The following NRG1 variants were observed in gnomAD, a reference collection of about 807,000 sequenced individuals.
NRG1 encodes pro-neuregulin-1, membrane-bound isoform.
In NRG1, 18 loss-of-function variants were observed where a neutral mutation model predicts 63.8. That is an observed-to-expected ratio of 0.28 (90% CI 0.19 to 0.42). NRG1 has a LOEUF of 0.42. NRG1 is among the 10% of genes least tolerant of loss of function. NRG1 has a pLI of 1.00. For missense variants in NRG1, 762 were observed against 814.7 expected (o/e 0.94, Z 0.79); for synonymous variants, 302 against 301.3 (o/e 1.00, Z -0.02).
At chr8:32,158,572 TA>T (rs975152225) in intron 1 of NRG1, among the ~76,000 whole-genome samples, 12 of 149,828 alleles carry the variant, frequency 8.0e-5, no homozygotes, top group African/African-American at 2.9e-4. Context: ...CTTGTTTCCC[TA>T]AGTAAAATAG....
At chr8:31,947,259 C>CACTGCAG (rs1345870289) in intron 1 of NRG1, among the ~76,000 whole-genome samples, 1 of 148,754 alleles carries the variant, frequency 6.7e-6, no homozygotes, top group Non-Finnish European at 1.5e-5. Flanking sequence ...GAGATTGCGC[C>CACTGCAG]ACTGCAGTCC....
chr8:32,495,368 C>T (rs1167976083), intron 1 of NRG1, among the ~76,000 whole-genome samples: 1 of 152,198 alleles, frequency 6.6e-6, no homozygotes, highest in Non-Finnish European at 1.5e-5. Flanking sequence ...CCTCTTTTGC[C>T]TTCCACCATG....
chr8:31,926,581 A>T (rs1311970862), intron 1 of NRG1, among the ~76,000 whole-genome samples: 1 of 152,036 alleles, frequency 6.6e-6, no homozygotes, highest in African/African-American at 2.4e-5. Context: ...TTTTAAAAAG[A>T]TTTTTCTGAA....
At chr8:32,380,099 C>T (rs1055300730) in intron 1 of NRG1, among the ~76,000 whole-genome samples, 1 of 152,064 alleles carries the variant, frequency 6.6e-6, no homozygotes, top group Non-Finnish European at 1.5e-5. Context: ...TACCTTTTTG[C>T]TTCTATCTCC....
chr8:32,490,859 A>G (rs532745178), intron 1 of NRG1, among the ~76,000 whole-genome samples: 1 of 152,236 alleles, frequency 6.6e-6, no homozygotes, highest in African/African-American at 2.4e-5. Context: ...GGCCTTGTCT[A>G]TCTCATTCTG....
chr8:32,713,367 T>C (rs1818287102), intron 5 of NRG1, among the ~76,000 whole-genome samples: 2 of 152,164 alleles, frequency 1.3e-5, no homozygotes, highest in African/African-American at 4.8e-5. Context: ...ATCCTTCCGG[T>C]TTCGGTAAAC....
chr8:32,740,910 A>G (rs1321234572), intron 6 of NRG1, among the ~76,000 whole-genome samples: 1 of 152,212 alleles, frequency 6.6e-6, no homozygotes, highest in African/African-American at 2.4e-5. Context: ...TACCAGAGCT[A>G]ACTTGGATAG....
At chr8:32,168,508 A>C (rs186808267) in intron 1 of NRG1, among the ~76,000 whole-genome samples, 1 of 152,340 alleles carries the variant, frequency 6.6e-6, no homozygotes, top group African/African-American at 2.4e-5. Context: ...TATGCATGGA[A>C]GTGAAGGTCT....
chr8:31,672,113 C>A (rs1226801303), intron 1 of NRG1, among the ~76,000 whole-genome samples: 1 of 152,100 alleles, frequency 6.6e-6, no homozygotes, highest in Non-Finnish European at 1.5e-5. Context: ...TGTTTCCTAT[C>A]TAGGTGTTTT....
chr8:32,344,886 G>T (rs1804684299), intron 1 of NRG1, among the ~76,000 whole-genome samples: 1 of 152,072 alleles, frequency 6.6e-6, no homozygotes, highest in African/African-American at 2.4e-5. Flanking sequence ...CTCAGAAATG[G>T]TTAAGACCTA....
chr8:32,707,245 A>G (rs556823032), intron 5 of NRG1, among the ~76,000 whole-genome samples: 1 of 152,082 alleles, frequency 6.6e-6, no homozygotes, highest in Admixed American at 6.5e-5. Flanking sequence ...TACATTGATG[A>G]GTAATAATAA....
chr8:32,519,843 C>A lies in NRG1; in HGVS notation c.38-75985C>A, dbSNP rs143979684. On this transcript the variant is annotated intron_variant, in intron 1 of 10. Coordinates refer to the NRG1 transcript ENST00000519301. Reference sequence around the variant, plus strand: ...AACTTTTTCAGAAGCTCCCCCAAATCTCTATACCCTTCTTTGTGCCACCGT... The same window carrying A: ...AACTTTTTCAGAAGCTCCCCCAAATATCTATACCCTTCTTTGTGCCACCGT... 3.7e-3 allele frequency among the ~76,000 whole-genome samples: 562 copies of A among 152,244 alleles called. 6 individuals carry two copies. The highest frequency in any genetic ancestry group is 0.013 in the African/African-American group (535 of 41,532).
intron 1 of NRG1, among the ~76,000 whole-genome samples, chr8:32,180,342 A>T (rs1841302546): frequency 6.6e-6 from 1 of 152,038 alleles, no homozygotes; most frequent in Admixed American, 6.6e-5. Context: ...GGTGCCATAG[A>T]CTCCTTTGGC....
At chr8:32,096,986 G>C (rs12155955) in intron 1 of NRG1, among the ~76,000 whole-genome samples, 75,049 of 151,944 alleles carry the variant, frequency 0.49, 19,048 homozygotes, top group African/African-American at 0.58. Flanking sequence ...TAACCAAACT[G>C]TCTTCATTCC....
At chr8:32,652,522 T>C (rs1311539436) in intron 5 of NRG1, among the ~76,000 whole-genome samples, 1 of 152,206 alleles carries the variant, frequency 6.6e-6, no homozygotes. Context: ...ATGTATTGAC[T>C]CTTTTTTATT....
At chr8:32,589,052 C>T (rs1842098721) in intron 1 of NRG1, among the ~76,000 whole-genome samples, 2 of 152,166 alleles carry the variant, frequency 1.3e-5, no homozygotes, top group Non-Finnish European at 2.9e-5. Flanking sequence ...TCACCCACTG[C>T]GTCAGTAGCA....
intron 1 of NRG1, among the ~76,000 whole-genome samples, chr8:32,456,996 G>A (rs1438139350): frequency 2.0e-5 from 3 of 152,250 alleles, no homozygotes; most frequent in South Asian, 2.1e-4. Flanking sequence ...GCTGGGCGTG[G>A]TGGTGGGTGC....
intron 1 of NRG1, among the ~76,000 whole-genome samples, chr8:32,163,656 C>G (rs1839092589): frequency 6.6e-6 from 1 of 152,158 alleles, no homozygotes; most frequent in South Asian, 2.1e-4. Context: ...AGAATGGGGT[C>G]ATAGTCTTCA....
At chr8:32,483,043 G>A (rs1177147255) in intron 1 of NRG1, among the ~76,000 whole-genome samples, 1 of 152,244 alleles carries the variant, frequency 6.6e-6, no homozygotes, top group Non-Finnish European at 1.5e-5. Context: ...CCTGTCTTGT[G>A]TATGTTACAC....
Sources: gnomAD v4.1 joint callset for allele counts (sites outside exome capture counted in the v4.1 genomes callset) on GRCh38, gnomAD v4.1.1 for gene constraint, MANE v1.5 for transcripts, NCBI Gene and HGNC (gene_info 2026-07-23, HGNC 2026-07-21) for gene names.